Variants in SLC16A10 observed in about 807,000 individuals in gnomAD.
The protein encoded by SLC16A10 is monocarboxylate transporter 10.
SLC16A10 carries 27 observed loss-of-function variants against 40.0 expected under a neutral mutation model. The ratio of observed to expected loss-of-function variants is 0.67; its 90% CI spans 0.50 to 0.93. SLC16A10 has a LOEUF of 0.93. SLC16A10 is among the 40% of genes least tolerant of loss of function. The pLI is 0.00. For synonymous variants in SLC16A10, 213 were observed against 249.8 expected, an observed-to-expected ratio of 0.85 and a Z score of 1.39; for missense variants, 529 against 658.2, an observed-to-expected ratio of 0.80 and a Z score of 2.15.
At chr6:111,194,448 G>A (rs1773046199) in intron 3 of SLC16A10, among the ~76,000 whole-genome samples, 2 of 152,170 alleles carry the variant, frequency 1.3e-5, no homozygotes, top group Non-Finnish European at 2.9e-5. Context: ...ATGCCAAGAA[G>A]TATAGTCAGT....
At chr6:111,180,512 G>A (rs1333175868) in intron 3 of SLC16A10, among the ~76,000 whole-genome samples, 2 of 152,214 alleles carry the variant, frequency 1.3e-5, no homozygotes, top group African/African-American at 4.8e-5. Flanking sequence ...TGGTGCGACT[G>A]CACTCCAGCC....
intron 1 of SLC16A10, among the ~76,000 whole-genome samples, chr6:111,167,459 G>T (rs535740840): frequency 1.2e-4 from 19 of 152,160 alleles, no homozygotes; most frequent in Admixed American, 1.0e-3. Context: ...CTCCTAGTGG[G>T]CATGAGTTCT....
At chr6:111,218,300 C>T (rs369145225) in intron 4 of SLC16A10, among the ~76,000 whole-genome samples, 1 of 152,116 alleles carries the variant, frequency 6.6e-6, no homozygotes, top group African/African-American at 2.4e-5. Flanking sequence ...TCATTTTCGG[C>T]CAGGCGCTGT....
chr6:111,187,983 T>G (rs62421930), intron 3 of SLC16A10, among the ~76,000 whole-genome samples: 15,857 of 152,162 alleles, frequency 0.1, 944 homozygotes, highest in Non-Finnish European at 0.14. Flanking sequence ...GGTTTATCTT[T>G]GTTGGTTGGT....
intron 3 of SLC16A10, among the ~76,000 whole-genome samples, chr6:111,184,610 T>C (rs1004412974): frequency 6.6e-6 from 1 of 151,734 alleles, no homozygotes; most frequent in Non-Finnish European, 1.5e-5. Context: ...GCCTCCCGAG[T>C]AGCTGGGATT....
rs1562397089 is a variant in SLC16A10 at position 111,100,959 on chromosome 6, C to CT, written c.343+12864_343+12865insT. On this transcript the variant is annotated intron_variant, in intron 1 of 5. Transcript: ENST00000368851. ...GGGGTTCTCTCTCGCTCTTTCTCTC[C>CT]CTCTCTCTCTCTCTCTCTCTCTCTC... 3.3e-3 allele frequency among the ~76,000 whole-genome samples: 270 copies of CT among 81,420 alleles called. 1 individual carries two copies. The highest frequency in any genetic ancestry group is 0.015 in the East Asian group (47 of 3,058). 53.4% of individuals were successfully genotyped at this position (81,420 alleles called of 152,430 possible).
intron 3 of SLC16A10, among the ~76,000 whole-genome samples, chr6:111,199,147 G>A (rs557934165): frequency 5.1e-4 from 78 of 152,260 alleles, no homozygotes; most frequent in African/African-American, 1.8e-3. Flanking sequence ...GAAACTCCAA[G>A]AAAGAAACTT....
intron 1 of SLC16A10, among the ~76,000 whole-genome samples, chr6:111,172,365 TGTTG>T (rs1458753160): frequency 3.9e-5 from 6 of 152,240 alleles, no homozygotes; most frequent in African/African-American, 1.4e-4. Context: ...ATTTCTTTCC[TGTTG>T]GTTTTCATTT....
At chr6:111,154,505 A>C (rs1437960425) in intron 1 of SLC16A10, among the ~76,000 whole-genome samples, 3 of 152,222 alleles carry the variant, frequency 2.0e-5, no homozygotes, top group Non-Finnish European at 4.4e-5. Flanking sequence ...AGCATGATGG[A>C]TGTGGTTAAA....
chr6:111,103,747 A>G (rs1771231868), intron 1 of SLC16A10, among the ~76,000 whole-genome samples: 2 of 152,266 alleles, frequency 1.3e-5, no homozygotes, highest in South Asian at 4.1e-4. Context: ...TTTTTGAGTT[A>G]GGTGTTACGA....
At chr6:111,093,368 C>T (rs1374955459) in intron 1 of SLC16A10, among the ~76,000 whole-genome samples, 1 of 152,186 alleles carries the variant, frequency 6.6e-6, no homozygotes, top group East Asian at 1.9e-4. Flanking sequence ...GTTACAGTCA[C>T]AAAGTAGGGT....
chr6:111,195,295 G>A (rs1288402460), intron 3 of SLC16A10, among the ~76,000 whole-genome samples: 1 of 152,166 alleles, frequency 6.6e-6, no homozygotes, highest in East Asian at 1.9e-4. Flanking sequence ...CACGAATACT[G>A]TATGGTTCCG....
At chr6:111,145,428 G>A (rs144027158) in intron 1 of SLC16A10, among the ~76,000 whole-genome samples, 130 of 152,194 alleles carry the variant, frequency 8.5e-4, no homozygotes, top group African/African-American at 2.3e-3. Context: ...AATATATGTC[G>A]TAGTTTTAAA....
intron 1 of SLC16A10, among the ~76,000 whole-genome samples, chr6:111,112,510 G>A (rs557822529): frequency 5.8e-4 from 88 of 152,272 alleles, no homozygotes; most frequent in Middle Eastern, 3.4e-3. Flanking sequence ...CTATATTTGC[G>A]CTGGCCAGCA....
intron 1 of SLC16A10, among the ~76,000 whole-genome samples, chr6:111,118,679 CAAAAAAA>C (rs74273023): frequency 1.5e-5 from 1 of 66,536 alleles, no homozygotes; most frequent in African/African-American, 5.8e-5. Flanking sequence ...GCCTCCGTCT[CAAAAAAA>C]AAAAAAAAAA....
chr6:111,101,096 T>C (rs1771179955), intron 1 of SLC16A10, among the ~76,000 whole-genome samples: 3 of 150,758 alleles, frequency 2.0e-5, no homozygotes, highest in Non-Finnish European at 4.4e-5. Context: ...AGTGGTGGGA[T>C]CATGGCTCAC....
rs1346713869 is a variant in SLC16A10, at chr6:111,227,158, T to A, written c.*4923T>A. 1 of 152,256 alleles carries A rather than the reference T, an allele frequency of 6.6e-6. No individual in the cohort carries two copies. Among genetic ancestry groups the A allele is most frequent in the Non-Finnish European group, 1.5e-5 (1 of 68,054 alleles). 9.4% of individuals were successfully genotyped at this position (152,256 alleles called of 1,614,324 possible). A position where few individuals can be genotyped will look rare whatever the true frequency, so the allele number is the denominator to read the frequency against. On this transcript the variant is annotated 3_prime_UTR_variant, in exon 6 of 6. Transcript: ENST00000368851. The stretch of plus-strand genomic sequence containing the variant: ...GAAAAAAAAATTTGTTCTGCTCTAC[T>A]ATACATGCTGACTTTTGTTGATAGC...
chr6:111,128,675 A>G (rs1771725502), intron 1 of SLC16A10, among the ~76,000 whole-genome samples: 1 of 152,168 alleles, frequency 6.6e-6, no homozygotes, highest in African/African-American at 2.4e-5. Context: ...TCTGTATTCA[A>G]AAGAGAGTGT....
At chr6:111,203,138 A>G (rs540177675) in intron 3 of SLC16A10, among the ~76,000 whole-genome samples, 2 of 152,248 alleles carry the variant, frequency 1.3e-5, no homozygotes, top group South Asian at 4.1e-4. Context: ...ATTTTGTCCT[A>G]TATTCACTTT....
Sources: gnomAD v4.1 joint callset for allele counts (sites outside exome capture counted in the v4.1 genomes callset) on GRCh38, gnomAD v4.1.1 for gene constraint, MANE v1.5 for transcripts, NCBI Gene and HGNC (gene_info 2026-07-23, HGNC 2026-07-21) for gene names.